Variants in GALNT1 observed in about 807,000 individuals in gnomAD.
GALNT1 encodes the protein GalNAc transferase 1.
Under a neutral mutation model 65.7 loss-of-function variants are expected in GALNT1, and 17 were observed. The ratio of observed to expected loss-of-function variants is 0.26; its 90% confidence interval spans 0.18 to 0.39. The LOEUF (loss-of-function observed/expected upper bound fraction) is 0.39, where lower values mean the gene tolerates loss of function less well. Among genes scored for constraint, GALNT1 ranks in the 10% least tolerant of loss-of-function variants. GALNT1 has a pLI of 1.00. For synonymous variants in GALNT1, 210 were observed against 219.7 expected (o/e 0.96, Z 0.39); for missense variants, 460 against 672.8 (o/e 0.68, Z 3.50).
intron 2 of GALNT1, among the ~76,000 whole-genome samples, chr18:35,659,011 CAA>C (rs2047438077): frequency 6.6e-6 from 1 of 151,986 alleles, no homozygotes; most frequent in South Asian, 2.1e-4. Flanking sequence ...TGCCTGGCAT[CAA>C]AGTCTCTCTT....
At position 35,709,862 on chromosome 18, in the gene GALNT1, A is replaced by G; in HGVS notation, c.*92A>G. 2.8e-6 allele frequency: 4 copies of G among 1,437,962 alleles called. No individual in the cohort carries two copies. The South Asian group carries it at 5.1e-5, about 18-fold the overall frequency. 89.1% of individuals were successfully genotyped at this position (1,437,962 alleles called of 1,614,324 possible). A position where few individuals can be genotyped will look rare whatever the true frequency, so the allele number is the denominator to read the frequency against. ...ACATTCTTAAGTAGCAAAAAAGGAAAAGTGCTTTCCTCCTCTGCAGGATGT... is the reference window on the plus strand; with the variant it reads ...ACATTCTTAAGTAGCAAAAAAGGAAGAGTGCTTTCCTCCTCTGCAGGATGT... On this transcript the variant is annotated 3_prime_UTR_variant, in exon 12 of 12. Coordinates refer to ENST00000269195, the MANE Select transcript of GALNT1 (RefSeq NM_020474.4).
intron 11 of GALNT1, among the ~76,000 whole-genome samples, chr18:35,707,790 T>C (rs991407681): frequency 6.6e-6 from 1 of 152,178 alleles, no homozygotes; most frequent in African/African-American, 2.4e-5. Flanking sequence ...TGGGATAAGC[T>C]TTGCGGGAAC....
chr18:35,684,734 A>C (rs1165661460), intron 5 of GALNT1, among the ~76,000 whole-genome samples: 1 of 152,248 alleles, frequency 6.6e-6, no homozygotes, highest in Non-Finnish European at 1.5e-5. Context: ...GAAATTTGCA[A>C]ATCTCGAAAA....
At chr18:35,709,517 T>TATTA (rs1288330129) in intron 11 of GALNT1, 107 bp from the exon 12 acceptor site, 8 of 1,108,466 alleles carry the variant, frequency 7.2e-6, no homozygotes, top group Non-Finnish European at 1.0e-5. Flanking sequence ...AAATAATGTA[T>TATTA]ATTACCAAAA....
At chr18:35,649,910 G>T (rs545153523) in intron 1 of GALNT1, among the ~76,000 whole-genome samples, 1 of 152,236 alleles carries the variant, frequency 6.6e-6, no homozygotes, top group African/African-American at 2.4e-5. Context: ...GCACTCACTG[G>T]TGCACTGTTG....
chr18:35,635,234 A>G (rs1323454754), intron 1 of GALNT1, among the ~76,000 whole-genome samples: 1 of 152,164 alleles, frequency 6.6e-6, no homozygotes, highest in African/African-American at 2.4e-5. Context: ...ATAGAGACAC[A>G]TGCAAGATGT....
chr18:35,617,481 C>T, intron 1 of GALNT1, among the ~76,000 whole-genome samples: 1 of 152,138 alleles, frequency 6.6e-6, no homozygotes. Context: ...GAAATTCTAA[C>T]ATATATAAAA....
rs1354030070 is a variant in GALNT1, at chr18:35,669,710, C to T, written c.314+5908C>T. 3.3e-5 allele frequency among the ~76,000 whole-genome samples: 5 copies of T among 152,070 alleles called. No homozygotes were observed. The East Asian group carries it at 9.6e-4, about 29-fold the overall frequency. Reference sequence around the variant, plus strand: ...ACAAAAGATTTCTAGAAAAACAAAACCCTCCCAGCAAATATCTATATTTAA... The same window carrying T: ...ACAAAAGATTTCTAGAAAAACAAAATCCTCCCAGCAAATATCTATATTTAA... On this transcript the variant is annotated intron_variant, in intron 3 of 11. Coordinates refer to ENST00000269195, the MANE Select transcript of GALNT1 (RefSeq NM_020474.4).
chr18:35,623,713 C>T (rs1228374190), intron 1 of GALNT1, among the ~76,000 whole-genome samples: 3 of 152,120 alleles, frequency 2.0e-5, no homozygotes, highest in Non-Finnish European at 2.9e-5. Flanking sequence ...GTGAATTTCC[C>T]ATTTCAGACT....
chr18:35,591,708 T>A (rs2046446829), intron 1 of GALNT1: 2 of 154,390 alleles, frequency 1.3e-5, no homozygotes, highest in African/African-American at 4.8e-5. Flanking sequence ...GGGCATTGAT[T>A]GACATAATCA....
intron 3 of GALNT1, among the ~76,000 whole-genome samples, chr18:35,669,212 G>T (rs766872104): frequency 7.5e-6 from 1 of 133,152 alleles, no homozygotes; most frequent in Non-Finnish European, 1.6e-5. Flanking sequence ...CTGCACTCCA[G>T]CCTGAGCAAC....
At chr18:35,602,760 G>T (rs965447469) in intron 1 of GALNT1, among the ~76,000 whole-genome samples, 2 of 152,062 alleles carry the variant, frequency 1.3e-5, no homozygotes, top group Admixed American at 6.6e-5. Context: ...TTGTTTTTCT[G>T]TGTTACCTTG....
chr18:35,687,330 T>C, intron 6 of GALNT1, 144 bp downstream of exon 6: 1 of 692,298 alleles, frequency 1.4e-6, no homozygotes, highest in Non-Finnish European at 2.2e-6. Flanking sequence ...ATCTTTCACA[T>C]ATGTGAGTGT....
At chr18:35,615,898 G>C (rs778848263) in intron 1 of GALNT1, among the ~76,000 whole-genome samples, 13 of 152,214 alleles carry the variant, frequency 8.5e-5, no homozygotes, top group Non-Finnish European at 1.3e-4. Context: ...AGACTTTTCT[G>C]TAAAGGGCCA....
intron 6 of GALNT1, among the ~76,000 whole-genome samples, chr18:35,688,906 T>C (rs551219982): frequency 8.1e-4 from 124 of 152,204 alleles, no homozygotes; most frequent in African/African-American, 2.8e-3. Flanking sequence ...GAAAGTACTC[T>C]TAGGACTGTG....
Position 35,710,026 on chromosome 18 carries a change from C to A in GALNT1, c.*256C>A. ...TTACAAGATTGAAAGAGTCTTTCTC[C>A]GAAAATCATGGTAAAGAATACTGAG... On this transcript the variant is annotated 3_prime_UTR_variant, in exon 12 of 12. Coordinates refer to ENST00000269195, the MANE Select transcript of GALNT1 (RefSeq NM_020474.4). 1.2e-5 allele frequency: 4 copies of A among 344,838 alleles called. No individual in the cohort carries two copies. Among genetic ancestry groups the A allele is most frequent in the Non-Finnish European group, 2.1e-5 (4 of 187,946 alleles). 21.4% of individuals were successfully genotyped at this position (344,838 alleles called of 1,614,324 possible).
intron 9 of GALNT1, among the ~76,000 whole-genome samples, chr18:35,695,593 G>A (rs1448218264): frequency 1.3e-5 from 2 of 152,204 alleles, no homozygotes; most frequent in East Asian, 3.8e-4. Flanking sequence ...GTTTTCTTCA[G>A]TGCCAGGGCA....
intron 1 of GALNT1, among the ~76,000 whole-genome samples, chr18:35,583,232 T>C (rs1174192870): frequency 6.6e-6 from 1 of 152,208 alleles, no homozygotes; most frequent in African/African-American, 2.4e-5. Context: ...CACCTCAGAC[T>C]CAAGTAATGC....
At chr18:35,646,472 C>A (rs933178312) in intron 1 of GALNT1, among the ~76,000 whole-genome samples, 1 of 152,184 alleles carries the variant, frequency 6.6e-6, no homozygotes, top group Non-Finnish European at 1.5e-5. Context: ...AAGGGGGTCT[C>A]ACTTTCATGC....
Sources: allele counts gnomAD v4.1 joint callset (sites outside exome capture counted in the v4.1 genomes callset), GRCh38; gene constraint gnomAD v4.1.1; transcripts MANE v1.5; gene names NCBI Gene and HGNC (gene_info 2026-07-23, HGNC 2026-07-21).